The following DYNC2H1 variants were observed in gnomAD, a reference collection of about 807,000 sequenced individuals.
DYNC2H1 encodes cytoplasmic dynein 2 heavy chain 1.
Under a neutral mutation model 570.0 loss-of-function variants are expected in DYNC2H1, and 410 were observed. The ratio of observed to expected loss-of-function variants is 0.72; its 90% confidence interval spans 0.66 to 0.78. The LOEUF (loss-of-function observed/expected upper bound fraction) is 0.78, where lower values mean the gene tolerates loss of function less well. Ranked by LOEUF, DYNC2H1 falls within the 30% of genes least tolerant of loss-of-function variation. The pLI, the probability that DYNC2H1 is intolerant of heterozygous loss-of-function variation, is 0.00. For synonymous variants in DYNC2H1, 1,688 were observed against 1,677.6 expected (o/e 1.01, Z -0.15); for missense variants, 4,865 against 5,046.4 (o/e 0.96, Z 1.09).
At chr11:103,370,734 T>C (rs935893517) in intron 83 of DYNC2H1, among the ~76,000 whole-genome samples, 2 of 152,170 alleles carry the variant, frequency 1.3e-5, no homozygotes, top group Non-Finnish European at 2.9e-5. Context: ...GTGGCACCTC[T>C]ATGAAGATGC....
rs932092385 is a variant in DYNC2H1, at chr11:103,259,976, A to G, written c.10694A>G (p.Lys3565Arg). The G allele has an allele frequency of 6.2e-6, 9 of 1,458,366 alleles. No individual in the cohort carries two copies. The African/African-American group carries it at 1.1e-4, about 17-fold the overall frequency. 90.3% of individuals were successfully genotyped at this position (1,458,366 alleles called of 1,614,324 possible). A position where few individuals can be genotyped will look rare whatever the true frequency, so the allele number is the denominator to read the frequency against. ...GAATATATATGTCGTTGTCTATTTAAGGTAAGAAGCATCATATTTTTCAAA... is the reference window on the plus strand; with the variant it reads ...GAATATATATGTCGTTGTCTATTTAGGGTAAGAAGCATCATATTTTTCAAA... ...VYEYICRCLF[K>R]ADQLMFALHF... Residue 3565 changes from lysine (K) to arginine (R), a missense_variant and splice_region_variant, in exon 70 of 89, where the codon AAG becomes AGG. Physicochemically the swap from Lys to Arg is conservative, Grantham distance 26. Around this residue, in one of 5 missense-constraint regions of DYNC2H1, gnomAD observed 2,401 missense variants for 2,454.6 expected, o/e 0.98. Coordinates refer to ENST00000375735, the MANE Select transcript of DYNC2H1 (RefSeq NM_001377.3).
chr11:103,454,754 A>T (rs1017563214), intron 85 of DYNC2H1, among the ~76,000 whole-genome samples: 9 of 152,154 alleles, frequency 5.9e-5, no homozygotes, highest in Non-Finnish European at 1.0e-4. Flanking sequence ...TTCTTCTTGG[A>T]CATTGCCCTC....
rs112708196 is a variant in DYNC2H1 at position 103,194,072 on chromosome 11, G to A, written c.7708+1808G>A. 3.0e-3 allele frequency among the ~76,000 whole-genome samples: 457 copies of A among 152,212 alleles called. 3 individuals carry two copies. The highest frequency in any genetic ancestry group is 0.01 in the African/African-American group (435 of 41,534). ...GCTAGTGTGGTTAGATGCCACAAATGTTATAGCAGTTATAGCACCACAGGA... is the reference window on the plus strand; with the variant it reads ...GCTAGTGTGGTTAGATGCCACAAATATTATAGCAGTTATAGCACCACAGGA... On this transcript the variant is annotated intron_variant, in intron 47 of 88. Coordinates refer to ENST00000375735, the MANE Select transcript of DYNC2H1 (RefSeq NM_001377.3).
chr11:103,233,593 G>A (rs1864098185), intron 60 of DYNC2H1, among the ~76,000 whole-genome samples: 1 of 151,696 alleles, frequency 6.6e-6, no homozygotes, highest in African/African-American at 2.4e-5. Flanking sequence ...CTAGGCAAAT[G>A]GAACATTCTG....
chr11:103,236,407 T>C, intron 62 of DYNC2H1, 23 bp from the exon 63 acceptor site: 2 of 1,304,872 alleles, frequency 1.5e-6, no homozygotes, highest in South Asian at 1.2e-5. Flanking sequence ...TGTGAAGTAT[T>C]ATCAATATCT....
At position 103,181,930 on chromosome 11, in the gene DYNC2H1, A is replaced by G; in HGVS notation, c.6477+44A>G. Reference sequence around the variant, plus strand: ...TTCATAATTAATCGAGGTGAGAAGTATGATTAAGAGTGATGCTTATTTTAA... The same window carrying G: ...TTCATAATTAATCGAGGTGAGAAGTGTGATTAAGAGTGATGCTTATTTTAA... On this transcript the variant is annotated intron_variant, in intron 40 of 88. Coordinates refer to ENST00000375735, the MANE Select transcript of DYNC2H1 (RefSeq NM_001377.3). This position sits in a 1 kb window ranked among gnomAD's most constrained non-coding sequence, Gnocchi z 5.0. 1.9e-6 allele frequency: 3 copies of G among 1,578,710 alleles called. No individual in the cohort carries two copies. The highest frequency in any genetic ancestry group is 1.7e-6 in the Non-Finnish European group (2 of 1,159,278).
intron 84 of DYNC2H1, chr11:103,405,525 A>T (rs544227576): frequency 6.6e-6 from 1 of 151,976 alleles, no homozygotes; most frequent in South Asian, 2.1e-4. Flanking sequence ...AGGGGAGGAG[A>T]AGTCAGAAGT....
Position 103,181,683 on chromosome 11 carries a change from G to A in DYNC2H1, c.6348-74G>A. 1.4e-6 allele frequency: 2 copies of A among 1,432,300 alleles called. No individual in the cohort carries two copies. The highest frequency in any genetic ancestry group is 9.4e-7 in the Non-Finnish European group (1 of 1,064,530). The allele number at this position is 1,432,300 out of a possible 1,614,324, so 88.7% of individuals were successfully genotyped here. A position where few individuals can be genotyped will look rare whatever the true frequency, so the allele number is the denominator to read the frequency against. On this transcript the variant is annotated intron_variant, in intron 39 of 88. Coordinates refer to ENST00000375735, the MANE Select transcript of DYNC2H1 (RefSeq NM_001377.3). The surrounding 1 kb of genome is among the most constrained non-coding windows in gnomAD (Gnocchi z 5.0). ...ATATGTGCGTAGAATAATGTTTATTGGAGAAGAAATTTATTTTAATGTAAA... is the reference window on the plus strand; with the variant it reads ...ATATGTGCGTAGAATAATGTTTATTAGAGAAGAAATTTATTTTAATGTAAA...
In DYNC2H1 at chr11:103,176,259, A is replaced by G; in HGVS notation, c.5699A>G (p.Gln1900Arg). The G allele has an allele frequency of 6.6e-7, 1 of 1,521,450 alleles. No homozygotes were observed. The highest frequency in any genetic ancestry group is 8.8e-7 in the Non-Finnish European group (1 of 1,136,170). 94.2% of individuals were successfully genotyped at this position (1,521,450 alleles called of 1,614,324 possible). A position where few individuals can be genotyped will look rare whatever the true frequency, so the allele number is the denominator to read the frequency against. Reference protein sequence around the residue: ...QNANESHIVVQALRLNTMSKF... With the variant: ...QNANESHIVVRALRLNTMSKF... ...GCTAATGAAAGTCATATTGTGGTAC[A>G]AGCACTGAGGCTTAATACCATGTCA... is the stretch of plus-strand genomic sequence containing the variant. The change falls in exon 37 of 89, where the codon CAA (glutamine) becomes CGA (arginine). Residue 1900 changes from glutamine (Q) to arginine (R), a missense_variant. Gln to Arg is a conservative substitution (Grantham distance 43). This residue lies in a region of DYNC2H1 where 292 missense variants were observed against 300.2 expected (regional missense o/e 0.97). Coordinates refer to ENST00000375735, the MANE Select transcript of DYNC2H1 (RefSeq NM_001377.3).
chr11:103,452,157 T>C (rs565743422), intron 85 of DYNC2H1, among the ~76,000 whole-genome samples: 61 of 152,208 alleles, frequency 4.0e-4, no homozygotes, highest in African/African-American at 1.5e-3. Flanking sequence ...CCCAGCATAA[T>C]TGATTGAATA....
At chr11:103,323,489 T>A (rs1555101540) in intron 81 of DYNC2H1, among the ~76,000 whole-genome samples, 19 of 146,236 alleles carry the variant, frequency 1.3e-4, no homozygotes, top group Admixed American at 2.1e-4. Context: ...TATATATATA[T>A]AACTGCTTAA....
chr11:103,311,588 G>GAAA (rs78086161), intron 78 of DYNC2H1, among the ~76,000 whole-genome samples: 120 of 149,734 alleles, frequency 8.0e-4, no homozygotes, highest in Middle Eastern at 3.5e-3. Flanking sequence ...GTGTCAGTGG[G>GAAA]AAAAAAAAAA....
chr11:103,472,366 TA>T lies in DYNC2H1; in HGVS notation c.12765+3668del, dbSNP rs1270721427. Among the ~76,000 whole-genome samples, 1 of 88,550 alleles carries T rather than the reference TA, an allele frequency of 1.1e-5. No individual in the cohort carries two copies. Among genetic ancestry groups the T allele is most frequent in the Non-Finnish European group, 2.3e-5 (1 of 43,688 alleles). 58.1% of individuals were successfully genotyped at this position (88,550 alleles called of 152,430 possible). On this transcript the variant is annotated intron_variant, in intron 88 of 88. Coordinates refer to ENST00000375735, the MANE Select transcript of DYNC2H1 (RefSeq NM_001377.3). The surrounding 1 kb of genome is among the most constrained non-coding windows in gnomAD (Gnocchi z 4.1). ...ATAGCAAGACCCCATCTTTATTAAATAAAAAAAGAATTAAAAAAATTTTTTT... is the reference window on the plus strand; with the variant it reads ...ATAGCAAGACCCCATCTTTATTAAATAAAAAAGAATTAAAAAAATTTTTTT...
At chr11:103,409,185 C>T (rs1403431426) in intron 84 of DYNC2H1, among the ~76,000 whole-genome samples, 1 of 152,074 alleles carries the variant, frequency 6.6e-6, no homozygotes, top group East Asian at 1.9e-4. Context: ...CTTTTTGTAA[C>T]CTTTCCTTCA....
chr11:103,250,582 C>T (rs1477978300), intron 65 of DYNC2H1, among the ~76,000 whole-genome samples: 1 of 152,104 alleles, frequency 6.6e-6, no homozygotes, highest in Non-Finnish European at 1.5e-5. Flanking sequence ...TGTTGATTTT[C>T]TGAACTGTAT....
intron 87 of DYNC2H1, among the ~76,000 whole-genome samples, chr11:103,458,919 T>C (rs1944893786): frequency 6.6e-6 from 1 of 151,968 alleles, no homozygotes; most frequent in Non-Finnish European, 1.5e-5. Context: ...CAATCCACCT[T>C]CCTCGGCCTC....
Position 103,122,847 on chromosome 11 carries a change from C to G in DYNC2H1, c.1508C>G (p.Ala503Gly). 1 of 1,612,986 alleles carries G rather than the reference C, an allele frequency of 6.2e-7. No individual in the cohort carries two copies. Among genetic ancestry groups the G allele is most frequent in the Non-Finnish European group, 8.5e-7 (1 of 1,179,424 alleles). ...ELKVDDTIKI[A>G]EALLSDLPGF... is the part of the protein sequence containing the mutation. ...AAGGTAGATGATACTATCAAGATTG[C>G]AGAGGCTCTTTTATCTGACTTGCCA... is the stretch of plus-strand genomic sequence containing the variant. The change falls in exon 11 of 89, where the codon GCA becomes GGA. Residue 503 changes from alanine (A) to glycine (G), a missense_variant. By Grantham distance (60) the Ala-to-Gly change is moderately conservative. Coordinates refer to ENST00000375735, the MANE Select transcript of DYNC2H1 (RefSeq NM_001377.3).
In DYNC2H1 at chr11:103,277,545, T is replaced by A. The variant is rs1302596074; in HGVS notation, c.10696-2803T>A. ...TCTATTATCTGAAATTCTTAACATTTTAGTCTTCTTTTCTGATGTGTCTAA... is the reference window on the plus strand; with the variant it reads ...TCTATTATCTGAAATTCTTAACATTATAGTCTTCTTTTCTGATGTGTCTAA... On this transcript the variant is annotated intron_variant, in intron 70 of 88. Coordinates refer to ENST00000375735, the MANE Select transcript of DYNC2H1 (RefSeq NM_001377.3). This position sits in a 1 kb window ranked among gnomAD's most constrained non-coding sequence, Gnocchi z 4.3. Among the ~76,000 whole-genome samples the A allele has an allele frequency of 1.3e-5, 2 of 152,136 alleles. No individual in the cohort carries two copies. Among genetic ancestry groups the A allele is most frequent in the African/African-American group, 2.4e-5 (1 of 41,438 alleles).
intron 75 of DYNC2H1, among the ~76,000 whole-genome samples, chr11:103,293,358 C>A (rs1286434228): frequency 1.3e-5 from 2 of 151,894 alleles, no homozygotes; most frequent in Non-Finnish European, 2.9e-5. Context: ...TTTCTTTGTC[C>A]TTGGCCTTTA....
Sources: gnomAD v4.1 joint callset for allele counts (sites outside exome capture counted in the v4.1 genomes callset) on GRCh38, gnomAD v4.1.1 for gene constraint, gnomAD v4.1.1 regional missense constraint, Gnocchi (gnomAD v3.1) non-coding constraint, MANE v1.5 for transcripts, NCBI Gene and HGNC (gene_info 2026-07-23, HGNC 2026-07-21) for gene names.